Variants in FRYL observed in about 807,000 individuals in gnomAD.
FRYL encodes FRY like transcription coactivator.
Under a neutral mutation model 351.2 loss-of-function variants are expected in FRYL, and 150 were observed. The observed-to-expected ratio is 0.43, with a 90% CI of 0.37 to 0.49. FRYL has a LOEUF of 0.49. Among genes scored for constraint, FRYL ranks in the 20% least tolerant of loss-of-function variants. The pLI is 0.00. For synonymous variants in FRYL, 1,153 were observed against 1,257.1 expected (o/e 0.92, Z 1.75); for missense variants, 3,036 against 3,619.3 (o/e 0.84, Z 4.13).
At chr4:48,778,097 T>TGG (rs1201561433) in intron 1 of FRYL, among the ~76,000 whole-genome samples, 1 of 152,200 alleles carries the variant, frequency 6.6e-6, no homozygotes, top group East Asian at 1.9e-4. Context: ...CTACGGAGCC[T>TGG]GGGGTGGGAG....
In FRYL at chr4:48,528,188, G is replaced by A; in HGVS notation, c.7052C>T (p.Pro2351Leu). The change falls in exon 51 of 64, where the codon CCA (proline) becomes CTA (leucine). Residue 2351 changes from proline (P) to leucine (L), a missense_variant. Physicochemically the swap from Pro to Leu is moderately conservative, Grantham distance 98 (BLOSUM62 -3). Around this residue, in one of 7 missense-constraint regions of FRYL, gnomAD observed 1,987 missense variants for 2,311.7 expected, o/e 0.86. Coordinates refer to ENST00000358350, the MANE Select transcript of FRYL (RefSeq NM_015030.2). ...NALVPVSWKR[P>L]QLSQRRTREK... ...TTCTTTATGTACCTGTGATAACTGT[G>A]GCCTTTTCCAACTAACAGGAACCAA... 1 of 1,612,582 alleles carries A rather than the reference G, an allele frequency of 6.2e-7. No homozygotes were observed. Among genetic ancestry groups the A allele is most frequent in the Non-Finnish European group, 8.5e-7 (1 of 1,178,994 alleles).
At chr4:48,516,412 A>T (rs187710852) in intron 55 of FRYL, among the ~76,000 whole-genome samples, 72 of 152,202 alleles carry the variant, frequency 4.7e-4, no homozygotes, top group Non-Finnish European at 9.1e-4. Context: ...TGATGATGGT[A>T]TCAACACTAG....
At position 48,627,587 on chromosome 4, in the gene FRYL, G is replaced by A. The variant is rs776921042; in HGVS notation, c.121-4408C>T. On this transcript the variant is annotated intron_variant, in intron 4 of 63. Transcript: ENST00000358350. ...TTGTTTTTTCCATAAGAACTCAGAAGTGATTTTTGAATGCAAAAGGATACG... is the reference window on the plus strand; with the variant it reads ...TTGTTTTTTCCATAAGAACTCAGAAATGATTTTTGAATGCAAAAGGATACG... Among the ~76,000 whole-genome samples the A allele has an allele frequency of 7.2e-4, 109 of 152,038 alleles. 1 individual carries two copies. Among genetic ancestry groups the A allele is most frequent in the Middle Eastern group, 3.2e-3 (1 of 316 alleles).
intron 1 of FRYL, among the ~76,000 whole-genome samples, chr4:48,762,381 A>G (rs1424530969): frequency 6.6e-6 from 1 of 152,214 alleles, no homozygotes; most frequent in East Asian, 1.9e-4. Context: ...CTGGGGTAAT[A>G]TAACTGACTT....
At chr4:48,778,333 T>TA (rs397993308) in intron 1 of FRYL, among the ~76,000 whole-genome samples, 69,800 of 143,618 alleles carry the variant, frequency 0.49, 16,384 homozygotes, top group South Asian at 0.59. Flanking sequence ...ACTGCTTTAA[T>TA]AAAAAAAAAA....
rs1284118227 is a variant in FRYL at position 48,498,068 on chromosome 4, ATTC to A, written c.*1351_*1353del. The A allele has an allele frequency of 1.3e-5, 2 of 150,494 alleles. No homozygotes were observed. Among genetic ancestry groups the A allele is most frequent in the African/African-American group, 4.9e-5 (2 of 40,968 alleles). The allele number at this position is 150,494 out of a possible 1,614,324, so 9.3% of individuals were successfully genotyped here. On this transcript the variant is annotated 3_prime_UTR_variant, in exon 64 of 64. Transcript: ENST00000358350. ...TTCAAATCAGGAGTTGTGGGACTAC[ATTC>A]TTTTTTTTTTTTTTTCTTTCTTTTC...
rs1193856051 is a variant in FRYL at position 48,515,222 on chromosome 4, T to C, written c.7743A>G (p.Gly2581=). The C allele has an allele frequency of 1.9e-6, 3 of 1,611,306 alleles. No homozygotes were observed. Among genetic ancestry groups the C allele is most frequent in the Non-Finnish European group, 2.5e-6 (3 of 1,177,472 alleles). The part of the protein sequence containing the change: ...EEHVTTFEDE[G]SYIIQEQQES... ...CCTGCTGTTCTTGAATTATATAGGATCCTTCATCTTCAAAGGTTGTAACAT... is the reference window on the plus strand; with the variant it reads ...CCTGCTGTTCTTGAATTATATAGGACCCTTCATCTTCAAAGGTTGTAACAT... Residue 2581 remains glycine (G), a synonymous_variant, in exon 56 of 64, where the codon GGA becomes GGG. Coordinates refer to ENST00000358350, the MANE Select transcript of FRYL (RefSeq NM_015030.2).
intron 3 of FRYL, among the ~76,000 whole-genome samples, chr4:48,656,332 ATATAT>A (rs1460097522): frequency 4.7e-5 from 6 of 127,200 alleles, no homozygotes; most frequent in East Asian, 2.2e-4. Flanking sequence ...TATATACTAA[ATATAT>A]TATATAATAT....
chr4:48,605,620 A>G, intron 11 of FRYL, 121 bp downstream of exon 11: 1 of 684,972 alleles, frequency 1.5e-6, no homozygotes, highest in East Asian at 2.8e-5. Flanking sequence ...AAATGAGACG[A>G]GCCTTCCCAT....
chr4:48,606,367 C>T, intron 10 of FRYL, 71 bp downstream of exon 10: 1 of 982,150 alleles, frequency 1.0e-6, no homozygotes. Flanking sequence ...TATTTTGTTT[C>T]TTTTAAAAAG....
intron 2 of FRYL, among the ~76,000 whole-genome samples, chr4:48,699,171 T>G (rs1766490258): frequency 6.6e-6 from 1 of 152,198 alleles, no homozygotes; most frequent in Admixed American, 6.5e-5. Flanking sequence ...TGAGATAAAA[T>G]TCTCAAATTA....
chr4:48,650,646 G>A (rs1027614871), intron 3 of FRYL, among the ~76,000 whole-genome samples: 5 of 152,142 alleles, frequency 3.3e-5, no homozygotes, highest in Admixed American at 1.3e-4. Context: ...TGGCGAGAAC[G>A]GCAACAGGCA....
intron 3 of FRYL, among the ~76,000 whole-genome samples, chr4:48,656,034 TGTATA>T (rs1758851867): frequency 7.3e-6 from 1 of 136,350 alleles, no homozygotes; most frequent in African/African-American, 2.7e-5. Flanking sequence ...ATATAATGTA[TGTATA>T]ATATGTAATG....
chr4:48,770,447 A>AT (rs1411733106), intron 1 of FRYL, among the ~76,000 whole-genome samples: 1 of 150,418 alleles, frequency 6.6e-6, no homozygotes, highest in East Asian at 1.9e-4. Flanking sequence ...TTTATTTTTT[A>AT]TTTTTTTGAG....
intron 7 of FRYL, among the ~76,000 whole-genome samples, chr4:48,616,579 G>A (rs1749489160): frequency 6.6e-6 from 1 of 152,088 alleles, no homozygotes; most frequent in African/African-American, 2.4e-5. Context: ...CCATCTCCCA[G>A]GGTTTATTAC....
chr4:48,576,364 A>T (rs2149134084), intron 23 of FRYL, 142 bp from the exon 24 acceptor site: 1 of 606,904 alleles, frequency 1.6e-6, no homozygotes, highest in East Asian at 3.4e-5. Context: ...TGCAACTGGC[A>T]TAATCTTGGC....
chr4:48,532,153 G>A (rs1471114026), intron 49 of FRYL, among the ~76,000 whole-genome samples: 1 of 151,984 alleles, frequency 6.6e-6, no homozygotes, highest in African/African-American at 2.4e-5. Context: ...TCTCAACCTT[G>A]TATTATATTA....
intron 5 of FRYL, among the ~76,000 whole-genome samples, chr4:48,622,159 C>A (rs1425405301): frequency 1.3e-5 from 2 of 151,960 alleles, no homozygotes; most frequent in African/African-American, 4.8e-5. Context: ...TAATCATTTA[C>A]AATAAAAATG....
At chr4:48,584,628 A>C (rs1211746036) in intron 19 of FRYL, among the ~76,000 whole-genome samples, 2 of 152,218 alleles carry the variant, frequency 1.3e-5, no homozygotes, top group Non-Finnish European at 2.9e-5. Context: ...CCTTAAATCC[A>C]TGAATATGTA....
Sources: allele counts gnomAD v4.1 joint callset (sites outside exome capture counted in the v4.1 genomes callset), GRCh38; gene constraint gnomAD v4.1.1; regional missense constraint gnomAD v4.1.1; transcripts MANE v1.5; gene names NCBI Gene and HGNC (gene_info 2026-07-23, HGNC 2026-07-21).